TLE4: variants seen among roughly 807,000 people sequenced by gnomAD.
The protein encoded by TLE4 is TLE family member 4, transcriptional corepressor.
Under a neutral mutation model 92.8 loss-of-function variants are expected in TLE4, and 8 were observed. The observed-to-expected ratio is 0.09, with a 90% CI of 0.05 to 0.16. TLE4 has a LOEUF of 0.16. Ranked by LOEUF, TLE4 falls within the 10% of genes least tolerant of loss-of-function variation. The pLI is 1.00. For synonymous variants in TLE4, 371 were observed against 374.1 expected (o/e 0.99, Z 0.10); for missense variants, 675 against 997.6 (o/e 0.68, Z 4.36).
chr9:79,629,154 C>G (rs2053527129), intron 6 of TLE4, among the ~76,000 whole-genome samples: 1 of 152,086 alleles, frequency 6.6e-6, no homozygotes, highest in African/African-American at 2.4e-5. Flanking sequence ...GATAGCCCTC[C>G]TGCCTTATGT....
At chr9:79,580,675 A>G (rs2039396744) in intron 4 of TLE4, among the ~76,000 whole-genome samples, 1 of 150,212 alleles carries the variant, frequency 6.7e-6, no homozygotes, top group South Asian at 2.1e-4. Flanking sequence ...GTGTTTTAGT[A>G]TGGAGGCACA....
chr9:79,626,725 G>GA (rs1190605135), intron 5 of TLE4, among the ~76,000 whole-genome samples: 10 of 151,890 alleles, frequency 6.6e-5, no homozygotes, highest in Non-Finnish European at 1.3e-4. Flanking sequence ...GTTTTTCTAA[G>GA]AAAAAAAATT....
intron 18 of TLE4, 90 bp from the exon 19 acceptor site, chr9:79,722,869 T>C: frequency 8.2e-7 from 1 of 1,224,182 alleles, no homozygotes; most frequent in South Asian, 1.4e-5. Context: ...GGATGAGTTT[T>C]CTGTTAATAG....
chr9:79,665,633 TGTCGACTCCCAATCGG>T (rs1368726869), intron 8 of TLE4, among the ~76,000 whole-genome samples: 1 of 152,206 alleles, frequency 6.6e-6, no homozygotes, highest in Non-Finnish European at 1.5e-5. Context: ...GGCAACGTTC[TGTCGACTCCCAATCGG>T]GATATGGGCC....
intron 5 of TLE4, among the ~76,000 whole-genome samples, chr9:79,618,952 AT>A (rs1379131362): frequency 6.6e-6 from 1 of 152,194 alleles, no homozygotes; most frequent in African/African-American, 2.4e-5. Flanking sequence ...GAAACCTTCC[AT>A]TTTTATACTT....
In TLE4 at chr9:79,713,508, C is replaced by T. The variant is rs771136755; in HGVS notation, c.1340+3809C>T. The stretch of plus-strand genomic sequence containing the variant: ...GTCAGGTCACTCTATTTCTCTGACT[C>T]CCTGCACCCTCTCCCTCCAGCCCTG... On this transcript the variant is annotated intron_variant, in intron 14 of 19. Coordinates refer to ENST00000376552, the MANE Select transcript of TLE4 (RefSeq NM_007005.6). Among the ~76,000 whole-genome samples the T allele has an allele frequency of 3.2e-4, 49 of 152,276 alleles. 1 individual carries two copies. Among genetic ancestry groups the T allele is most frequent in the South Asian group, 6.2e-4 (3 of 4,826 alleles).
At chr9:79,634,542 T>C (rs1367889413) in intron 6 of TLE4, among the ~76,000 whole-genome samples, 1 of 152,192 alleles carries the variant, frequency 6.6e-6, no homozygotes, top group Non-Finnish European at 1.5e-5. Flanking sequence ...CTTTCCAGTG[T>C]GTAGGTCTTT....
intron 8 of TLE4, among the ~76,000 whole-genome samples, chr9:79,666,163 CTGTGTGTGTGTGTG>C (rs34558090): frequency 9.5e-5 from 12 of 126,470 alleles, no homozygotes; most frequent in South Asian, 2.6e-4. Flanking sequence ...TTTCCTTCAT[CTGTGTGTGTGTGTG>C]TGTGTGTGTG....
At chr9:79,618,402 T>G (rs1031068949) in intron 5 of TLE4, among the ~76,000 whole-genome samples, 7 of 152,218 alleles carry the variant, frequency 4.6e-5, no homozygotes, top group Non-Finnish European at 8.8e-5. Context: ...CAGGTATTAT[T>G]TATCATTCAT....
chr9:79,683,300 T>G (rs1241316737), intron 8 of TLE4, among the ~76,000 whole-genome samples: 1 of 152,230 alleles, frequency 6.6e-6, no homozygotes, highest in Admixed American at 6.5e-5. Flanking sequence ...GTTACTTTTT[T>G]GCATGAAATG....
chr9:79,642,265 G>T (rs1289853434), intron 6 of TLE4, among the ~76,000 whole-genome samples: 6 of 151,946 alleles, frequency 3.9e-5, no homozygotes, highest in Admixed American at 3.9e-4. Flanking sequence ...AGAAATTAGA[G>T]ATGGTGTCTG....
chr9:79,651,623 T>C (rs975264825), intron 6 of TLE4, among the ~76,000 whole-genome samples: 4 of 152,142 alleles, frequency 2.6e-5, no homozygotes, highest in Non-Finnish European at 4.4e-5. Flanking sequence ...GTGCACAGAG[T>C]GCCCAATTAT....
chr9:79,620,830 G>T (rs535838108), intron 5 of TLE4, among the ~76,000 whole-genome samples: 1 of 152,244 alleles, frequency 6.6e-6, no homozygotes, highest in South Asian at 2.1e-4. Context: ...TTCTGGGGAG[G>T]ACTCAGGGAG....
chr9:79,644,177 T>G (rs778063056), intron 6 of TLE4, among the ~76,000 whole-genome samples: 4 of 152,098 alleles, frequency 2.6e-5, no homozygotes, highest in African/African-American at 9.7e-5. Context: ...TCTCACAAGA[T>G]CTGATGGTTT....
At chr9:79,652,869 T>C in intron 7 of TLE4, 75 bp downstream of exon 7, 1 of 1,458,360 alleles carries the variant, frequency 6.9e-7, no homozygotes, top group East Asian at 2.3e-5. Context: ...TGCTATTGTT[T>C]ATTCTCTCTG....
At chr9:79,575,875 T>C in intron 3 of TLE4, 4 of 313,132 alleles carry the variant, frequency 1.3e-5, no homozygotes, top group Non-Finnish European at 2.3e-5. Flanking sequence ...GCTTGGGATG[T>C]ATAAAGAAAC....
intron 6 of TLE4, among the ~76,000 whole-genome samples, chr9:79,637,644 C>G (rs1231699232): frequency 6.6e-6 from 1 of 152,154 alleles, no homozygotes; most frequent in Non-Finnish European, 1.5e-5. Context: ...TTCCACAGGT[C>G]AGTTGGATAC....
rs111824141 is a variant in TLE4 at position 79,660,841 on chromosome 9, A to G, written c.609+6766A>G. Among the ~76,000 whole-genome samples the G allele has an allele frequency of 3.1e-3, 472 of 152,212 alleles. 4 individuals are homozygous for G. Among genetic ancestry groups the G allele is most frequent in the African/African-American group, 0.01 (434 of 41,532 alleles). On this transcript the variant is annotated intron_variant, in intron 8 of 19. Transcript: ENST00000376552. ...CATAAATGGATTAATGATGTGAGTG[A>G]CTCGGGGAGACACGCTTGTTTTGCA...
chr9:79,601,578 C>T (rs1156667110), intron 4 of TLE4: 2 of 427,104 alleles, frequency 4.7e-6, no homozygotes, highest in Admixed American at 2.5e-5. Context: ...GGTTAGTGAT[C>T]TTTGATGTTA....
Sources: allele counts gnomAD v4.1 joint callset (sites outside exome capture counted in the v4.1 genomes callset), GRCh38; gene constraint gnomAD v4.1.1; transcripts MANE v1.5; gene names NCBI Gene and HGNC (gene_info 2026-07-23, HGNC 2026-07-21).